Variants in SLCO1B1 observed in about 807,000 individuals in gnomAD.
SLCO1B1 encodes the protein OATP-2.
A neutral mutation model predicts 70.1 loss-of-function variants in SLCO1B1; 81 were observed. The ratio of observed to expected loss-of-function variants is 1.16; its 90% CI spans 0.97 to 1.39. SLCO1B1 has a LOEUF of 1.39. Ranked by LOEUF, SLCO1B1 falls within the 40% of genes most tolerant of loss-of-function variation. The pLI is 0.00. For missense variants in SLCO1B1, 895 were observed against 799.6 expected, an observed-to-expected ratio of 1.12 and a Z score of -1.44; for synonymous variants, 283 against 271.5, an observed-to-expected ratio of 1.04 and a Z score of -0.42.
chr12:21,179,625 T>C lies in SLCO1B1; in HGVS notation c.727+605T>C, dbSNP rs181563097. ...CATAGATGAAAGAGATGCCATGTTA[T>C]AAAAACTGTCTCAACTTCAGGCCCT... On this transcript the variant is annotated intron_variant, in intron 7 of 14. Coordinates refer to ENST00000256958, the MANE Select transcript of SLCO1B1 (RefSeq NM_006446.5). Among the ~76,000 whole-genome samples, 62 of 152,306 alleles carry C rather than the reference T, an allele frequency of 4.1e-4. No individual in the cohort carries two copies. The East Asian group carries it at 0.011, about 27-fold the overall frequency.
At position 21,206,099 on chromosome 12, in the gene SLCO1B1, C is replaced by A. The variant is rs1941212587; in HGVS notation, c.1497+66C>A. On this transcript the variant is annotated intron_variant, in intron 11 of 14. Transcript: ENST00000256958. Reference sequence around the variant, plus strand: ...ACAGATTAGATTGAACAATTTTTTACCAAATATTTCTGTAACTAAGGACTC... The same window carrying A: ...ACAGATTAGATTGAACAATTTTTTAACAAATATTTCTGTAACTAAGGACTC... 6.0e-6 allele frequency: 8 copies of A among 1,337,502 alleles called. No individual in the cohort carries two copies. In the Admixed American group the frequency reaches 6.8e-5, roughly 11 times the overall value. 82.9% of individuals were successfully genotyped at this position (1,337,502 alleles called of 1,614,324 possible). A position where few individuals can be genotyped will look rare whatever the true frequency, so the allele number is the denominator to read the frequency against.
intron 2 of SLCO1B1, among the ~76,000 whole-genome samples, chr12:21,152,554 C>CTTTTTTTTTTTTTTTTTTTTTTT (rs1940488342): frequency 1.2e-4 from 1 of 8,468 alleles, no homozygotes; most frequent in African/African-American, 2.2e-4. Context: ...TTTTTTTTGC[C>CTTTTTTTTTTTTTTTTTTTTTTT]TCTGGACTGT....
chr12:21,201,285 G>T (rs1941154399), intron 9 of SLCO1B1, among the ~76,000 whole-genome samples: 1 of 152,020 alleles, frequency 6.6e-6, no homozygotes, highest in African/African-American at 2.4e-5. Context: ...TTATCATGTG[G>T]TATGTAACTA....
At chr12:21,172,461 C>T (rs1940767468) in intron 2 of SLCO1B1, among the ~76,000 whole-genome samples, 189 bp from the exon 3 acceptor site, 1 of 152,180 alleles carries the variant, frequency 6.6e-6, no homozygotes, top group Non-Finnish European at 1.5e-5. Flanking sequence ...GATGCTTTAT[C>T]AGTGTAGTGA....
At position 21,176,836 on chromosome 12, in the gene SLCO1B1, C is replaced by T. The variant is rs1940826777; in HGVS notation, c.420C>T (p.Ser140=). Residue 140 remains serine, a synonymous_variant, in exon 5 of 15, where the codon TCC becomes TCT. Coordinates refer to ENST00000256958, the MANE Select transcript of SLCO1B1 (RefSeq NM_006446.5). ...NSSENSTSTL[S]TCLINQILSL... is the part of the protein sequence containing the mutation. ...CAGAAAATTCAACATCGACCTTATC[C>T]ACTTGTTTAATTAATCAAATTTTAT... is the stretch of plus-strand genomic sequence containing the variant. 2 of 1,542,838 alleles carry T rather than the reference C, an allele frequency of 1.3e-6. No individual in the cohort carries two copies. Among genetic ancestry groups the T allele is most frequent in the Non-Finnish European group, 1.8e-6 (2 of 1,115,240 alleles).
intron 11 of SLCO1B1, among the ~76,000 whole-genome samples, chr12:21,209,120 C>A (rs1015849033): frequency 5.3e-5 from 8 of 151,816 alleles, no homozygotes; most frequent in African/African-American, 1.5e-4. Flanking sequence ...AGGTTAGTTA[C>A]ATATGTATAC....
chr12:21,148,839 T>G (rs1260406286), intron 2 of SLCO1B1, among the ~76,000 whole-genome samples: 1 of 152,174 alleles, frequency 6.6e-6, no homozygotes. Context: ...ACAATATTGA[T>G]TCTTCCTATC....
At position 21,164,859 on chromosome 12, in the gene SLCO1B1, A is replaced by G. The variant is rs560361731; in HGVS notation, c.85-7791A>G. ...TTTCCTATCTGCACATAACATTACAAACTTATGGCAATTATAAAACTCAAT... is the reference window on the plus strand; with the variant it reads ...TTTCCTATCTGCACATAACATTACAGACTTATGGCAATTATAAAACTCAAT... On this transcript the variant is annotated intron_variant, in intron 2 of 14. Coordinates refer to ENST00000256958, the MANE Select transcript of SLCO1B1 (RefSeq NM_006446.5). 105 of 486,100 alleles carry G rather than the reference A, an allele frequency of 2.2e-4. 1 individual carries two copies. Among genetic ancestry groups the G allele is most frequent in the South Asian group, 1.5e-3 (100 of 66,370 alleles). 30.1% of individuals were successfully genotyped at this position (486,100 alleles called of 1,614,324 possible). A position where few individuals can be genotyped will look rare whatever the true frequency, so the allele number is the denominator to read the frequency against.
intron 2 of SLCO1B1, 31 bp from the exon 3 acceptor site, chr12:21,172,619 A>C: frequency 6.2e-7 from 1 of 1,612,662 alleles, no homozygotes; most frequent in Non-Finnish European, 8.5e-7. Context: ...TCGATTAACC[A>C]TTTTCCCCCT....
intron 14 of SLCO1B1, among the ~76,000 whole-genome samples, chr12:21,238,535 G>A (rs1265784898): frequency 6.6e-6 from 1 of 151,688 alleles, no homozygotes; most frequent in Admixed American, 6.6e-5. Context: ...TAATGCATTA[G>A]GTAAAAGGAA....
At chr12:21,177,061 C>CT (rs1940830910) in intron 5 of SLCO1B1, among the ~76,000 whole-genome samples, 164 bp downstream of exon 5, 1 of 152,130 alleles carries the variant, frequency 6.6e-6, no homozygotes, top group Non-Finnish European at 1.5e-5. Flanking sequence ...ACAGTTCGCC[C>CT]ATTAACAACA....
chr12:21,149,319 CTTCCAGCTTT>C (rs1394657034), intron 2 of SLCO1B1, among the ~76,000 whole-genome samples: 2 of 152,164 alleles, frequency 1.3e-5, no homozygotes, highest in African/African-American at 4.8e-5. Context: ...AAAGGGAATG[CTTCCAGCTTT>C]CACCCATTCA....
chr12:21,238,443 T>G (rs1022136767), intron 14 of SLCO1B1, among the ~76,000 whole-genome samples: 1 of 152,180 alleles, frequency 6.6e-6, no homozygotes, highest in Non-Finnish European at 1.5e-5. Flanking sequence ...AGGTCTGGTT[T>G]AAAGCTTACT....
chr12:21,238,893 T>G, intron 14 of SLCO1B1, 86 bp from the exon 15 acceptor site: 1 of 749,496 alleles, frequency 1.3e-6, no homozygotes, highest in Non-Finnish European at 2.2e-6. Flanking sequence ...TTTTTTTTCT[T>G]TAGGATCTGG....
chr12:21,192,470 T>C (rs1267788724), intron 7 of SLCO1B1, among the ~76,000 whole-genome samples: 11 of 151,898 alleles, frequency 7.2e-5, no homozygotes, highest in African/African-American at 2.4e-4. Context: ...TGTTTGAGTC[T>C]TTTCTCTTTT....
chr12:21,200,865 G>C (rs182047723), intron 9 of SLCO1B1, among the ~76,000 whole-genome samples, 193 bp downstream of exon 9: 1 of 152,110 alleles, frequency 6.6e-6, no homozygotes, highest in African/African-American at 2.4e-5. Context: ...ATTTGAAGTT[G>C]CATCTTATTT....
intron 2 of SLCO1B1, among the ~76,000 whole-genome samples, chr12:21,144,879 A>G (rs941267951): frequency 3.3e-5 from 5 of 152,226 alleles, no homozygotes; most frequent in Non-Finnish European, 4.4e-5. Flanking sequence ...ATTTGTTACC[A>G]TTAGACCTGC....
At chr12:21,141,733 A>T (rs1241228035) in intron 2 of SLCO1B1, 75 bp downstream of exon 2, 4 of 846,828 alleles carry the variant, frequency 4.7e-6, no homozygotes, top group Non-Finnish European at 7.8e-6. Flanking sequence ...CAAGTTGTTA[A>T]AAAGAACATT....
intron 14 of SLCO1B1, among the ~76,000 whole-genome samples, chr12:21,230,909 G>C (rs1289638073): frequency 6.6e-6 from 1 of 151,734 alleles, no homozygotes; most frequent in Non-Finnish European, 1.5e-5. Context: ...TGCCATGTTG[G>C]TGTACTGCAC....
Sources: gnomAD v4.1 joint callset for allele counts (sites outside exome capture counted in the v4.1 genomes callset) on GRCh38, gnomAD v4.1.1 for gene constraint, MANE v1.5 for transcripts, NCBI Gene and HGNC (gene_info 2026-07-23, HGNC 2026-07-21) for gene names.